The following RANBP2 variants were observed in gnomAD, a reference collection of about 807,000 sequenced individuals.
RANBP2 encodes the protein RAN binding protein 2.
Under a neutral mutation model 303.6 loss-of-function variants are expected in RANBP2, and 57 were observed. That is an observed-to-expected ratio of 0.19 (90% CI 0.15 to 0.23). The LOEUF is 0.23. RANBP2 is among the 10% of genes least tolerant of loss of function. The pLI is 1.00. For synonymous variants in RANBP2, 1,167 were observed against 1,301.5 expected (o/e 0.90, Z 2.23); for missense variants, 3,138 against 3,780.8 (o/e 0.83, Z 4.46).
the RANBP2 span, among the ~76,000 whole-genome samples, chr2:109,633,675 C>T: frequency 6.6e-6 from 1 of 152,252 alleles, no homozygotes; most frequent in African/African-American, 2.4e-5. Flanking sequence ...CTTCTCTCCT[C>T]TCCCAAAATA....
the RANBP2 span, chr2:109,593,046 C>T: frequency 7.6e-6 from 12 of 1,574,260 alleles, no homozygotes; most frequent in Non-Finnish European, 1.0e-5. Context: ...AAAAGACATA[C>T]TCACTATCTG....
At chr2:109,166,194 G>T in the RANBP2 span, among the ~76,000 whole-genome samples, 1 of 152,032 alleles carries the variant, frequency 6.6e-6, no homozygotes, top group Admixed American at 6.6e-5. Context: ...AAGGAAAGAT[G>T]CAGGCCAGGC....
chr2:109,522,697 G>A, the RANBP2 span, among the ~76,000 whole-genome samples: 25 of 152,030 alleles, frequency 1.6e-4, no homozygotes, highest in East Asian at 4.1e-3. Flanking sequence ...AACGTTCAGT[G>A]CATCAGGCCC....
rs1292303462 is a variant in RANBP2 at position 108,766,924 on chromosome 2, C to G, written c.6385C>G (p.Pro2129Ala). 1.2e-6 allele frequency: 2 copies of G among 1,609,896 alleles called. No homozygotes were observed. The highest frequency in any genetic ancestry group is 1.1e-5 in the South Asian group (1 of 90,988). The change falls in exon 20 of 29, where the codon CCA becomes GCA. Residue 2129 changes from proline to alanine, a missense_variant. Physicochemically the swap from Pro to Ala is conservative, Grantham distance 27 (BLOSUM62 -1). This residue lies in a region of RANBP2 where 103 missense variants were observed against 214.3 expected (regional missense o/e 0.48). Transcript: ENST00000283195. Reference sequence around the variant, plus strand: ...GCAGTTGGCAGCAAAATTTAAAACACCAGAGCTGGCTGAAGAATTCAAGCA... The same window carrying G: ...GCAGTTGGCAGCAAAATTTAAAACAGCAGAGCTGGCTGAAGAATTCAAGCA... ...LEQLAAKFKT[P>A]ELAEEFKQKF...
chr2:109,032,162 CT>C, the RANBP2 span, among the ~76,000 whole-genome samples: 1 of 152,150 alleles, frequency 6.6e-6, no homozygotes, highest in Non-Finnish European at 1.5e-5. Flanking sequence ...CACCTTCCCC[CT>C]GTTTTGTTAA....
chr2:109,503,325 T>G, the RANBP2 span: 1 of 152,206 alleles, frequency 6.6e-6, no homozygotes, highest in African/African-American at 2.4e-5. Flanking sequence ...TACATTCTTT[T>G]GCCTGGCATG....
At chr2:109,224,970 T>G in the RANBP2 span, among the ~76,000 whole-genome samples, 1 of 152,214 alleles carries the variant, frequency 6.6e-6, no homozygotes, top group Non-Finnish European at 1.5e-5. Context: ...AACCTTATCT[T>G]TTTAAAAATC....
chr2:109,272,361 G>A, the RANBP2 span, among the ~76,000 whole-genome samples: 1 of 152,214 alleles, frequency 6.6e-6, no homozygotes, highest in Non-Finnish European at 1.5e-5. Flanking sequence ...GAACCCTGAA[G>A]AGCTGGTGCA....
At chr2:108,994,641 C>T in the RANBP2 span, among the ~76,000 whole-genome samples, 110,309 of 151,618 alleles carry the variant, frequency 0.73, 40,607 homozygotes, top group East Asian at 0.9. Context: ...TTCATCCTTC[C>T]AATAGGCAAG....
the RANBP2 span, among the ~76,000 whole-genome samples, chr2:109,119,556 G>A: frequency 6.6e-6 from 1 of 152,270 alleles, no homozygotes; most frequent in South Asian, 2.1e-4. Flanking sequence ...ATTCGCTCAT[G>A]ACTGTAATTT....
chr2:109,133,843 A>G, the RANBP2 span, among the ~76,000 whole-genome samples: 1 of 151,906 alleles, frequency 6.6e-6, no homozygotes, highest in South Asian at 2.1e-4. Flanking sequence ...AGGACAACAG[A>G]TCCCTGATAA....
At chr2:109,232,971 G>A in the RANBP2 span, among the ~76,000 whole-genome samples, 9 of 152,072 alleles carry the variant, frequency 5.9e-5, no homozygotes, top group South Asian at 4.2e-4. Flanking sequence ...TGAGACTTGC[G>A]ATAGGGGTGT....
chr2:108,966,140 C>A, the RANBP2 span, among the ~76,000 whole-genome samples: 1 of 152,234 alleles, frequency 6.6e-6, no homozygotes, highest in South Asian at 2.1e-4. Flanking sequence ...TTTGATAAGA[C>A]CAACTTTGAA....
At chr2:109,399,475 CCAAAG>C in the RANBP2 span, among the ~76,000 whole-genome samples, 4 of 151,150 alleles carry the variant, frequency 2.6e-5, no homozygotes, top group African/African-American at 7.3e-5. Context: ...ATTGAAGTAA[CCAAAG>C]CAAAGTATTT....
chr2:109,179,941 A>G, the RANBP2 span, among the ~76,000 whole-genome samples: 1 of 138,688 alleles, frequency 7.2e-6, no homozygotes, highest in Non-Finnish European at 1.6e-5. Flanking sequence ...ATTAAACAAG[A>G]CAGAGGCTGG....
At chr2:109,141,075 A>G in the RANBP2 span, among the ~76,000 whole-genome samples, 5 of 152,154 alleles carry the variant, frequency 3.3e-5, no homozygotes, top group African/African-American at 1.2e-4. Flanking sequence ...GATCAATGCT[A>G]TGCTGGGACC....
the RANBP2 span, among the ~76,000 whole-genome samples, chr2:109,671,092 C>T: frequency 5.3e-5 from 8 of 152,238 alleles, no homozygotes; most frequent in South Asian, 2.1e-4. Flanking sequence ...GATGCTGTAA[C>T]GCTACCACTT....
chr2:109,377,479 C>G, the RANBP2 span, among the ~76,000 whole-genome samples: 3 of 152,166 alleles, frequency 2.0e-5, no homozygotes, highest in Non-Finnish European at 4.4e-5. Context: ...GATTCAGACT[C>G]TGTGACGCCA....
chr2:108,875,890 G>A, the RANBP2 span, among the ~76,000 whole-genome samples: 4 of 152,024 alleles, frequency 2.6e-5, no homozygotes, highest in Non-Finnish European at 5.9e-5. Flanking sequence ...TTTCCCCAGT[G>A]GTTTTCTGCT....
Sources: gnomAD v4.1 joint callset for allele counts (sites outside exome capture counted in the v4.1 genomes callset) on GRCh38, gnomAD v4.1.1 for gene constraint, gnomAD v4.1.1 regional missense constraint, MANE v1.5 for transcripts, NCBI Gene and HGNC (gene_info 2026-07-23, HGNC 2026-07-21) for gene names.